Variants in B3GALT1 observed in about 807,000 individuals in gnomAD.
The protein encoded by B3GALT1 is beta-1,3-galactosyltransferase 1.
B3GALT1 carries 10 observed loss-of-function variants against 23.2 expected under a neutral mutation model. The ratio of observed to expected loss-of-function variants is 0.43; its 90% CI spans 0.27 to 0.73. The LOEUF (loss-of-function observed/expected upper bound fraction) is 0.73, where lower values mean the gene tolerates loss of function less well. Ranked by LOEUF, B3GALT1 falls within the 30% of genes least tolerant of loss-of-function variation. The probability of loss-of-function intolerance (pLI) is 0.21; values close to 1 mark genes in which losing one functional copy is unlikely to be tolerated. For synonymous variants in B3GALT1, 156 were observed against 141.5 expected (o/e 1.10, Z -0.73); for missense variants, 299 against 405.4 (o/e 0.74, Z 2.25).
chr2:167,650,054 T>G (rs572555702), intron 3 of B3GALT1, among the ~76,000 whole-genome samples: 6 of 152,088 alleles, frequency 3.9e-5, no homozygotes, highest in African/African-American at 1.4e-4. Flanking sequence ...TCTAGCTTTT[T>G]CATAAATGCA....
chr2:167,596,555 T>C (rs1684777530), intron 2 of B3GALT1, among the ~76,000 whole-genome samples: 1 of 152,212 alleles, frequency 6.6e-6, no homozygotes, highest in Non-Finnish European at 1.5e-5. Flanking sequence ...CTGAGTATAG[T>C]ATAGGCCACA....
intron 1 of B3GALT1, among the ~76,000 whole-genome samples, chr2:167,297,208 A>G (rs906334656): frequency 3.3e-5 from 5 of 152,122 alleles, no homozygotes; most frequent in African/African-American, 1.2e-4. Context: ...AATGGTTCCA[A>G]ATTAACAACA....
intron 1 of B3GALT1, among the ~76,000 whole-genome samples, chr2:167,405,483 G>T (rs1373942056): frequency 3.9e-5 from 6 of 152,000 alleles, no homozygotes; most frequent in Admixed American, 6.6e-5. Context: ...CAGTTTCCTG[G>T]AGTGTTATTA....
intron 1 of B3GALT1, among the ~76,000 whole-genome samples, chr2:167,396,343 T>C (rs1196725081): frequency 6.6e-6 from 1 of 152,030 alleles, no homozygotes. Context: ...CTTCCTGTTT[T>C]GCTGTCCTCT....
intron 4 of B3GALT1, among the ~76,000 whole-genome samples, chr2:167,863,990 A>ATGTG (rs34276280): frequency 0.13 from 19,062 of 143,598 alleles, 1,409 homozygotes; most frequent in East Asian, 0.33. Context: ...GCATGTATGT[A>ATGTG]TGTGTGTGTG....
chr2:167,327,756 A>G (rs1305773595), intron 1 of B3GALT1, among the ~76,000 whole-genome samples: 3 of 151,920 alleles, frequency 2.0e-5, no homozygotes, highest in Non-Finnish European at 4.4e-5. Flanking sequence ...TTCCAGTACT[A>G]TGTTGAATAG....
chr2:167,697,051 G>A (rs1340845180), intron 3 of B3GALT1, among the ~76,000 whole-genome samples: 1 of 152,180 alleles, frequency 6.6e-6, no homozygotes, highest in African/African-American at 2.4e-5. Flanking sequence ...TGTTGTTCAT[G>A]CATTGCTCTC....
chr2:167,830,903 T>C (rs1357637367), intron 4 of B3GALT1, among the ~76,000 whole-genome samples: 1 of 152,220 alleles, frequency 6.6e-6, no homozygotes, highest in African/African-American at 2.4e-5. Context: ...AGCCTTGCCA[T>C]GGGTCTGGAC....
intron 3 of B3GALT1, among the ~76,000 whole-genome samples, chr2:167,682,988 A>G (rs903347070): frequency 1.3e-5 from 2 of 152,216 alleles, no homozygotes; most frequent in African/African-American, 2.4e-5. Context: ...GGCTCTGATT[A>G]ATATTTATTT....
At chr2:167,352,240 T>TA (rs1356255245) in intron 1 of B3GALT1, among the ~76,000 whole-genome samples, 3 of 148,824 alleles carry the variant, frequency 2.0e-5, no homozygotes, top group Non-Finnish European at 3.0e-5. Flanking sequence ...GTGCTGGAAT[T>TA]ACAGGTGTGA....
chr2:167,578,412 C>A (rs753703088), intron 2 of B3GALT1, among the ~76,000 whole-genome samples: 27 of 152,002 alleles, frequency 1.8e-4, no homozygotes, highest in East Asian at 3.9e-4. Flanking sequence ...TGTTACTACT[C>A]TAATGAGAAA....
intron 2 of B3GALT1, among the ~76,000 whole-genome samples, chr2:167,614,478 G>C (rs1233392634): frequency 1.3e-5 from 2 of 151,776 alleles, no homozygotes; most frequent in Non-Finnish European, 2.9e-5. Flanking sequence ...AAATCTCTGT[G>C]AACATCTTAG....
At chr2:167,446,264 T>C (rs951895020) in intron 1 of B3GALT1, among the ~76,000 whole-genome samples, 1 of 152,244 alleles carries the variant, frequency 6.6e-6, no homozygotes, top group Admixed American at 6.5e-5. Flanking sequence ...CCTTTGTGGG[T>C]AACCTGACCT....
chr2:167,493,625 T>C (rs192180610), intron 2 of B3GALT1, among the ~76,000 whole-genome samples: 1 of 152,230 alleles, frequency 6.6e-6, no homozygotes, highest in East Asian at 1.9e-4. Flanking sequence ...AAAGATAAAA[T>C]AGACATGTTC....
intron 1 of B3GALT1, among the ~76,000 whole-genome samples, chr2:167,328,168 G>A (rs776810842): frequency 1.3e-5 from 2 of 152,142 alleles, no homozygotes; most frequent in Non-Finnish European, 1.5e-5. Context: ...CAGAGATGTT[G>A]ACCTGTAGTT....
chr2:167,719,699 G>A (rs1287795700), intron 3 of B3GALT1, among the ~76,000 whole-genome samples: 10 of 152,148 alleles, frequency 6.6e-5, no homozygotes, highest in African/African-American at 1.7e-4. Context: ...TTGGGAGGCC[G>A]AGGCAGGCAG....
chr2:167,867,234 C>CT (rs923188108), intron 4 of B3GALT1, among the ~76,000 whole-genome samples: 3 of 152,092 alleles, frequency 2.0e-5, no homozygotes, highest in African/African-American at 4.8e-5. Flanking sequence ...CCGAGAAGCT[C>CT]TTTTTTTCTA....
At chr2:167,724,891 C>T (rs569239350) in intron 3 of B3GALT1, among the ~76,000 whole-genome samples, 1 of 152,272 alleles carries the variant, frequency 6.6e-6, no homozygotes, top group South Asian at 2.1e-4. Flanking sequence ...TACAGGTGTC[C>T]AGGGACCACA....
intron 2 of B3GALT1, among the ~76,000 whole-genome samples, chr2:167,524,856 A>G (rs1408767207): frequency 1.3e-5 from 2 of 152,184 alleles, no homozygotes; most frequent in Non-Finnish European, 2.9e-5. Context: ...CATGTTTTAG[A>G]GACGTTTTCA....
Sources: allele counts gnomAD v4.1 joint callset (sites outside exome capture counted in the v4.1 genomes callset), GRCh38; gene constraint gnomAD v4.1.1; transcripts MANE v1.5; gene names NCBI Gene and HGNC (gene_info 2026-07-23, HGNC 2026-07-21).